MIPEP: variants seen among roughly 807,000 people sequenced by gnomAD.
The protein encoded by MIPEP is mitochondrial intermediate peptidase.
MIPEP carries 79 observed loss-of-function variants against 90.3 expected under a neutral mutation model. The ratio of observed to expected loss-of-function variants is 0.87; its 90% CI spans 0.73 to 1.05. MIPEP has a LOEUF of 1.05. MIPEP is among the 50% of genes least tolerant of loss of function. The probability of loss-of-function intolerance (pLI) is 0.00; values close to 1 mark genes in which losing one functional copy is unlikely to be tolerated. For missense variants in MIPEP, 940 were observed against 905.6 expected (o/e 1.04, Z -0.49); for synonymous variants, 334 against 315.8 (o/e 1.06, Z -0.61).
chr13:23,877,743 T>C (rs2137531115), intron 4 of MIPEP, among the ~76,000 whole-genome samples: 1 of 152,342 alleles, frequency 6.6e-6, no homozygotes, highest in Middle Eastern at 3.4e-3. Flanking sequence ...TAATTCTTTG[T>C]TTTAGCCACT....
chr13:23,839,359 C>G (rs866603528), intron 12 of MIPEP, among the ~76,000 whole-genome samples: 9 of 152,224 alleles, frequency 5.9e-5, no homozygotes, highest in Middle Eastern at 3.4e-3. Flanking sequence ...ATGTGTATAA[C>G]GGGCTCAGTG....
At chr13:23,859,729 C>T (rs144649304) in intron 9 of MIPEP, among the ~76,000 whole-genome samples, 2 of 152,228 alleles carry the variant, frequency 1.3e-5, no homozygotes, top group African/African-American at 4.8e-5. Context: ...CCAAAGAAGA[C>T]TGCTGAATGT....
rs185625237 is a variant in MIPEP, at chr13:23,731,874, T to C, written c.2045-1429A>G. ...ATATCTGAATAAGTAACACAACTAA[T>C]AGGCACTGAGAAGACATTCAACATC... On this transcript the variant is annotated intron_variant, in intron 18 of 18. Coordinates refer to ENST00000382172, the MANE Select transcript of MIPEP (RefSeq NM_005932.4). Among the ~76,000 whole-genome samples, 16 of 150,252 alleles carry C rather than the reference T, an allele frequency of 1.1e-4. No homozygotes were observed. In the East Asian group the frequency reaches 2.4e-3, roughly 22 times the overall value.
rs4067950 is a variant in MIPEP at position 23,881,525 on chromosome 13, G to A, written c.452+174C>T. Among the ~76,000 whole-genome samples the A allele has an allele frequency of 1.1e-3, 172 of 152,322 alleles. 1 individual carries two copies. Among genetic ancestry groups the A allele is most frequent in the African/African-American group, 3.8e-3 (159 of 41,576 alleles). ...GCCCTAAGGCCCAGTGCCTGCCTGCGAGGTGAGCCAATGGCCTGTCCTGAG... is the reference window on the plus strand; with the variant it reads ...GCCCTAAGGCCCAGTGCCTGCCTGCAAGGTGAGCCAATGGCCTGTCCTGAG... On this transcript the variant is annotated intron_variant, in intron 3 of 18. Coordinates refer to ENST00000382172, the MANE Select transcript of MIPEP (RefSeq NM_005932.4).
intron 14 of MIPEP, among the ~76,000 whole-genome samples, chr13:23,830,731 G>T (rs1868698958): frequency 6.6e-6 from 1 of 152,114 alleles, no homozygotes; most frequent in South Asian, 2.1e-4. Flanking sequence ...GTATATGAAA[G>T]ACTTGAGTTT....
intron 10 of MIPEP, chr13:23,842,162 G>A (rs1416346793): frequency 6.6e-6 from 1 of 152,138 alleles, no homozygotes; most frequent in African/African-American, 2.4e-5. Context: ...GAATCATTAA[G>A]TCAAGCCAAA....
chr13:23,784,005 T>C (rs1321621707), intron 16 of MIPEP, among the ~76,000 whole-genome samples: 1 of 152,006 alleles, frequency 6.6e-6, no homozygotes, highest in Non-Finnish European at 1.5e-5. Context: ...AGAATCAATA[T>C]CGTGAAAATG....
At chr13:23,827,170 G>GAGA (rs61029041) in intron 14 of MIPEP, among the ~76,000 whole-genome samples, 151,124 of 152,248 alleles carry the variant, frequency 0.99, 75,028 homozygotes, top group East Asian at 1. Flanking sequence ...TAGACACTGA[G>GAGA]AGATTACAGT....
intron 16 of MIPEP, among the ~76,000 whole-genome samples, chr13:23,780,857 A>G (rs1952774319): frequency 6.6e-6 from 1 of 152,238 alleles, no homozygotes; most frequent in Non-Finnish European, 1.5e-5. Context: ...GGTATCAGTG[A>G]TTAAAGATCA....
In MIPEP at chr13:23,747,603, A is replaced by G. The variant is rs77066048; in HGVS notation, c.2044+8942T>C. ...AGTGTGGAGACAGCACAATGGCTATATATTTTTTTTCTTTTACATGATTAA... is the reference window on the plus strand; with the variant it reads ...AGTGTGGAGACAGCACAATGGCTATGTATTTTTTTTCTTTTACATGATTAA... On this transcript the variant is annotated intron_variant, in intron 18 of 18. Coordinates refer to ENST00000382172, the MANE Select transcript of MIPEP (RefSeq NM_005932.4). The G allele has an allele frequency of 2.0e-3, 955 of 487,690 alleles. 8 individuals carry two copies. Among genetic ancestry groups the G allele is most frequent in the African/African-American group, 0.016 (836 of 50,926 alleles). The allele number at this position is 487,690 out of a possible 1,614,324, so 30.2% of individuals were successfully genotyped here.
In MIPEP at chr13:23,768,797, C is replaced by T. The variant is rs180703011; in HGVS notation, c.1849-8580G>A. Reference sequence around the variant, plus strand: ...TGGCAGATGTAATGTTAAGGACAAACAAAATATTAACTAGGAGCACATCTC... The same window carrying T: ...TGGCAGATGTAATGTTAAGGACAAATAAAATATTAACTAGGAGCACATCTC... On this transcript the variant is annotated intron_variant, in intron 16 of 18. Coordinates refer to ENST00000382172, the MANE Select transcript of MIPEP (RefSeq NM_005932.4). Among the ~76,000 whole-genome samples the T allele has an allele frequency of 4.1e-3, 619 of 152,146 alleles. 3 individuals are homozygous for T. The highest frequency in any genetic ancestry group is 6.5e-3 in the Non-Finnish European group (444 of 67,974).
At chr13:23,884,097 AT>A in intron 2 of MIPEP, among the ~76,000 whole-genome samples, 2 of 152,176 alleles carry the variant, frequency 1.3e-5, no homozygotes, top group Non-Finnish European at 2.9e-5. Flanking sequence ...AAAGATGGGG[AT>A]GAGTTATGCT....
intron 16 of MIPEP, among the ~76,000 whole-genome samples, chr13:23,772,384 A>T (rs1952662964): frequency 6.6e-6 from 1 of 152,308 alleles, no homozygotes; most frequent in African/African-American, 2.4e-5. Flanking sequence ...GGTAATGCCA[A>T]ACAGTACATA....
chr13:23,856,975 A>G (rs1023432089), intron 10 of MIPEP, among the ~76,000 whole-genome samples: 1 of 151,978 alleles, frequency 6.6e-6, no homozygotes, highest in African/African-American at 2.4e-5. Flanking sequence ...ATTGAGAATT[A>G]AAATTAGAAT....
At chr13:23,850,732 G>A (rs2137480407) in intron 10 of MIPEP, among the ~76,000 whole-genome samples, 1 of 152,328 alleles carries the variant, frequency 6.6e-6, no homozygotes, top group Non-Finnish European at 1.5e-5. Flanking sequence ...CTACAGCAAG[G>A]AGACCTCTAT....
intron 18 of MIPEP, among the ~76,000 whole-genome samples, chr13:23,739,879 C>T (rs1168742868): frequency 6.6e-6 from 1 of 152,232 alleles, no homozygotes; most frequent in Non-Finnish European, 1.5e-5. Context: ...ATGAGTGAGA[C>T]ATGATTTCTG....
chr13:23,879,916 G>C (rs1871210106), intron 3 of MIPEP, among the ~76,000 whole-genome samples: 1 of 152,112 alleles, frequency 6.6e-6, no homozygotes, highest in Admixed American at 6.5e-5. Context: ...CATCCAGAGA[G>C]CAAAGGGCCC....
intron 16 of MIPEP, among the ~76,000 whole-genome samples, chr13:23,776,498 G>A (rs1955052804): frequency 6.6e-6 from 1 of 152,182 alleles, no homozygotes; most frequent in Non-Finnish European, 1.5e-5. Flanking sequence ...TTATAATAGT[G>A]TTCTCACAGC....
intron 4 of MIPEP, among the ~76,000 whole-genome samples, chr13:23,876,221 T>C (rs1339895030): frequency 2.0e-5 from 3 of 152,226 alleles, no homozygotes; most frequent in Non-Finnish European, 4.4e-5. Context: ...TTATTCTGTT[T>C]CAACTTTGTC....
Sources: allele counts gnomAD v4.1 joint callset (sites outside exome capture counted in the v4.1 genomes callset), GRCh38; gene constraint gnomAD v4.1.1; transcripts MANE v1.5; gene names NCBI Gene and HGNC (gene_info 2026-07-23, HGNC 2026-07-21).